The following FNDC3A variants were observed in gnomAD, a reference collection of about 807,000 sequenced individuals.
FNDC3A encodes fibronectin type-III domain-containing protein 3A.
FNDC3A carries 32 observed loss-of-function variants against 148.9 expected under a neutral mutation model. The ratio of observed to expected loss-of-function variants is 0.21; its 90% CI spans 0.16 to 0.29. The LOEUF is 0.29. Among genes scored for constraint, FNDC3A ranks in the 10% least tolerant of loss-of-function variants. FNDC3A has a pLI of 1.00. For synonymous variants in FNDC3A, 472 were observed against 473.6 expected (o/e 1.00, Z 0.04); for missense variants, 1,191 against 1,452.8 (o/e 0.82, Z 2.93).
At chr13:49,140,801 G>A (rs1455510025) in intron 7 of FNDC3A, among the ~76,000 whole-genome samples, 1 of 152,200 alleles carries the variant, frequency 6.6e-6, no homozygotes, top group East Asian at 1.9e-4. Context: ...TTGTAACGGT[G>A]AAGTGCCAGG....
rs922795612 is a variant in FNDC3A at position 49,208,958 on chromosome 13, T to C, written c.*1563T>C. On this transcript the variant is annotated 3_prime_UTR_variant, in exon 26 of 26. Coordinates refer to ENST00000492622, the MANE Select transcript of FNDC3A (RefSeq NM_001079673.2). ...ATTGTAACAGTTTTATGTCAAATGATCTGTGCTGTAGAAAAACATTAACCC... is the reference window on the plus strand; with the variant it reads ...ATTGTAACAGTTTTATGTCAAATGACCTGTGCTGTAGAAAAACATTAACCC... 5 of 152,614 alleles carry C rather than the reference T, an allele frequency of 3.3e-5. No homozygotes were observed. Among genetic ancestry groups the C allele is most frequent in the African/African-American group, 1.2e-4 (5 of 41,436 alleles). The allele number at this position is 152,614 out of a possible 1,614,324, so 9.5% of individuals were successfully genotyped here. A position where few individuals can be genotyped will look rare whatever the true frequency, so the allele number is the denominator to read the frequency against.
chr13:49,048,022 A>G (rs1411418012), intron 2 of FNDC3A, among the ~76,000 whole-genome samples: 1 of 152,226 alleles, frequency 6.6e-6, no homozygotes, highest in African/African-American at 2.4e-5. Flanking sequence ...GTGGCTTGCC[A>G]ATTATTCCAA....
chr13:49,067,785 C>G (rs1433601873), intron 2 of FNDC3A, among the ~76,000 whole-genome samples: 1 of 152,062 alleles, frequency 6.6e-6, no homozygotes, highest in Non-Finnish European at 1.5e-5. Context: ...TATACCAATC[C>G]AGGTTGTTTA....
chr13:48,977,187 T>C (rs569022385), intron 1 of FNDC3A, among the ~76,000 whole-genome samples: 3 of 152,330 alleles, frequency 2.0e-5, no homozygotes, highest in African/African-American at 7.2e-5. Flanking sequence ...AGATTTTTTT[T>C]TTCTTTTTGC....
intron 2 of FNDC3A, among the ~76,000 whole-genome samples, chr13:49,054,918 C>T (rs981425225): frequency 3.3e-5 from 5 of 151,652 alleles, no homozygotes; most frequent in African/African-American, 1.2e-4. Context: ...TCTTTTTCTA[C>T]TTCATTTGTG....
intron 2 of FNDC3A, among the ~76,000 whole-genome samples, chr13:49,039,198 A>G (rs1874732966): frequency 6.6e-6 from 1 of 152,222 alleles, no homozygotes; most frequent in Admixed American, 6.5e-5. Flanking sequence ...GTAAACTAAT[A>G]TTTTTCAAAG....
intron 2 of FNDC3A, among the ~76,000 whole-genome samples, chr13:49,062,744 C>G (rs1455853407): frequency 6.6e-6 from 1 of 152,192 alleles, no homozygotes; most frequent in Non-Finnish European, 1.5e-5. Flanking sequence ...ACTTGTTACA[C>G]TATAAGTTAA....
intron 2 of FNDC3A, chr13:49,043,973 T>A (rs568607233): frequency 2.6e-5 from 4 of 152,214 alleles, no homozygotes; most frequent in Non-Finnish European, 5.9e-5. Flanking sequence ...AATTAACAAA[T>A]TGTTTGTAGT....
chr13:48,985,489 G>T (rs958625666), intron 1 of FNDC3A, among the ~76,000 whole-genome samples: 1 of 152,130 alleles, frequency 6.6e-6, no homozygotes, highest in East Asian at 1.9e-4. Context: ...GAAACTGGAA[G>T]TAATAAGATC....
chr13:49,207,287 G>A lies in FNDC3A; in HGVS notation c.3489G>A (p.Arg1163=). 6.2e-7 allele frequency: 1 copy of A among 1,614,188 alleles called. No individual in the cohort carries two copies. The highest frequency in any genetic ancestry group is 1.1e-5 in the South Asian group (1 of 91,088). ...STNRDTVEST[R]TRRALSDEQC... ...ACAGAGACACTGTGGAAAGCACAAG[G>A]ACCCGACGGGCACTGAGTGACGAGC... Residue 1163 remains arginine (R), a synonymous_variant, in exon 26 of 26, where the codon AGG becomes AGA. Transcript: ENST00000492622.
intron 5 of FNDC3A, among the ~76,000 whole-genome samples, chr13:49,133,605 C>T (rs186497112): frequency 7.8e-4 from 119 of 152,320 alleles, no homozygotes; most frequent in African/African-American, 2.7e-3. Context: ...TTTCCATGCA[C>T]AATCCATATG....
intron 4 of FNDC3A, among the ~76,000 whole-genome samples, chr13:49,116,109 C>T (rs1336166329): frequency 6.6e-6 from 1 of 152,198 alleles, no homozygotes; most frequent in Non-Finnish European, 1.5e-5. Flanking sequence ...TTTCAGTGCA[C>T]TTAGGTTATC....
At position 49,203,083 on chromosome 13, in the gene FNDC3A, A is replaced by C. The variant is rs1335192460; in HGVS notation, c.3155-74A>C. ...TTTTAAATATTTGTTGATTTTTATTAAGACAAGTGTCTGCATGATGTACCA... is the reference window on the plus strand; with the variant it reads ...TTTTAAATATTTGTTGATTTTTATTCAGACAAGTGTCTGCATGATGTACCA... On this transcript the variant is annotated intron_variant, in intron 24 of 25. Transcript: ENST00000492622. The C allele has an allele frequency of 1.2e-5, 11 of 946,842 alleles. No homozygotes were observed. The East Asian group carries it at 2.9e-4, about 25-fold the overall frequency. 58.7% of individuals were successfully genotyped at this position (946,842 alleles called of 1,614,324 possible). A position where few individuals can be genotyped will look rare whatever the true frequency, so the allele number is the denominator to read the frequency against.
At chr13:49,060,455 C>G (rs1876587564) in intron 2 of FNDC3A, among the ~76,000 whole-genome samples, 1 of 151,916 alleles carries the variant, frequency 6.6e-6, no homozygotes, top group Non-Finnish European at 1.5e-5. Context: ...ACCAGCCTGG[C>G]CAACATGGTG....
chr13:49,032,749 T>C (rs1395556210), intron 2 of FNDC3A, among the ~76,000 whole-genome samples: 1 of 151,570 alleles, frequency 6.6e-6, no homozygotes, highest in Non-Finnish European at 1.5e-5. Flanking sequence ...AAAAAAAAAG[T>C]CTATGGAAAT....
In FNDC3A at chr13:49,207,189, C is replaced by A; in HGVS notation, c.3391C>A (p.Gln1131Lys). Residue 1131 changes from glutamine (Q) to lysine (K), a missense_variant, in exon 26 of 26, where the codon CAG becomes AAG. Around this residue, in one of 3 missense-constraint regions of FNDC3A, gnomAD observed 751 missense variants for 944.0 expected, o/e 0.80. Transcript: ENST00000492622. ...IRQCQDSLGH[Q>K]DLVGPYSTTV... is the part of the protein sequence containing the mutation. ...CCAGTGCCAAGACTCTCTGGGACAC[C>A]AGGACCTCGTAGGTCCCTACAGCAC... 1 of 1,614,010 alleles carries A rather than the reference C, an allele frequency of 6.2e-7. No individual in the cohort carries two copies. Among genetic ancestry groups the A allele is most frequent in the Non-Finnish European group, 8.5e-7 (1 of 1,179,858 alleles).
At chr13:49,088,057 A>C (rs2137810030) in intron 3 of FNDC3A, among the ~76,000 whole-genome samples, 1 of 152,220 alleles carries the variant, frequency 6.6e-6, no homozygotes, top group South Asian at 2.1e-4. Flanking sequence ...TTCATTACTT[A>C]TTTGCTTAGG....
chr13:49,151,768 C>T (rs1390097134), intron 8 of FNDC3A, among the ~76,000 whole-genome samples: 1 of 152,110 alleles, frequency 6.6e-6, no homozygotes, highest in East Asian at 1.9e-4. Context: ...GTGATGTTCC[C>T]GGCCCTGTGT....
intron 3 of FNDC3A, among the ~76,000 whole-genome samples, chr13:49,079,269 T>C (rs1218354983): frequency 6.6e-6 from 1 of 152,176 alleles, no homozygotes; most frequent in Non-Finnish European, 1.5e-5. Context: ...TGCTAGTTGC[T>C]GGACATTCAA....
Sources: allele counts gnomAD v4.1 joint callset (sites outside exome capture counted in the v4.1 genomes callset), GRCh38; gene constraint gnomAD v4.1.1; regional missense constraint gnomAD v4.1.1; transcripts MANE v1.5; gene names NCBI Gene and HGNC (gene_info 2026-07-23, HGNC 2026-07-21).